The following CCNB3 variants were observed in gnomAD, a reference collection of about 807,000 sequenced individuals.
CCNB3 encodes the protein cyclin B3.
A neutral mutation model predicts 68.0 loss-of-function variants in CCNB3; 12 were observed. The observed-to-expected ratio is 0.18, with a 90% CI of 0.11 to 0.29. The LOEUF (loss-of-function observed/expected upper bound fraction) is 0.29, where lower values mean the gene tolerates loss of function less well. Ranked by LOEUF, CCNB3 falls within the 10% of genes least tolerant of loss-of-function variation. CCNB3 has a pLI of 1.00. For synonymous variants in CCNB3, 354 were observed against 388.9 expected, an observed-to-expected ratio of 0.91 and a Z score of 1.06; for missense variants, 904 against 993.1, an observed-to-expected ratio of 0.91 and a Z score of 1.21.
At chrX:50,285,383 G>T in intron 3 of CCNB3, 124 bp downstream of exon 3, 3 of 531,702 alleles carry the variant, frequency 5.6e-6, no homozygotes, top group Non-Finnish European at 6.4e-6. Context: ...GTGGGGAGGG[G>T]TGGCAGCCCT....
In CCNB3 at chrX:50,325,631, C is replaced by G. The variant is rs781832548; in HGVS notation, c.3516+11683C>G. Among the ~76,000 whole-genome samples the G allele has an allele frequency of 4.5e-5, 5 of 112,263 alleles. No individual in the cohort carries two copies. In the South Asian group the frequency reaches 1.5e-3, roughly 33 times the overall value. On this transcript the variant is annotated intron_variant, in intron 8 of 12. Transcript: ENST00000376042. Reference sequence around the variant, plus strand: ...TGTGGGTTTTCCACAGACCTCTGAGCACCTATGTGACCTCTAGTCAGCAAA... The same window carrying G: ...TGTGGGTTTTCCACAGACCTCTGAGGACCTATGTGACCTCTAGTCAGCAAA...
At chrX:50,294,072 G>A (rs1557210497) in intron 4 of CCNB3, among the ~76,000 whole-genome samples, 1 of 110,354 alleles carries the variant, frequency 9.1e-6, no homozygotes, top group Non-Finnish European at 1.9e-5. Flanking sequence ...AAGTAGCTGG[G>A]ACCATAGGCA....
At chrX:50,319,699 G>T (rs1391518170) in intron 8 of CCNB3, among the ~76,000 whole-genome samples, 3 of 111,857 alleles carry the variant, frequency 2.7e-5, no homozygotes, top group Non-Finnish European at 5.6e-5. Context: ...ATCTTAGGAG[G>T]AAAGCATTGA....
At chrX:50,313,449 C>A (rs186385472) in intron 7 of CCNB3, among the ~76,000 whole-genome samples, 1 of 112,158 alleles carries the variant, frequency 8.9e-6, no homozygotes, top group East Asian at 2.8e-4. Context: ...AACCTAGCCC[C>A]ATCCCAGACC....
chrX:50,226,920 A>C (rs1935849566), intron 1 of CCNB3, among the ~76,000 whole-genome samples: 1 of 70,448 alleles, frequency 1.4e-5, no homozygotes, highest in East Asian at 3.7e-4. Flanking sequence ...TAGTATATAT[A>C]TAGAATATAT....
At chrX:50,227,898 ATATAGAGAGAATATATATAAATG>A in intron 1 of CCNB3, among the ~76,000 whole-genome samples, 1 of 85,874 alleles carries the variant, frequency 1.2e-5, no homozygotes, top group Non-Finnish European at 2.1e-5. Context: ...ATATATAAAT[ATATAGAGAGAATATATATAAATG>A]TATAGACAGA....
At chrX:50,297,993 A>C (rs1398777689) in intron 5 of CCNB3, among the ~76,000 whole-genome samples, 4 of 111,497 alleles carry the variant, frequency 3.6e-5, no homozygotes, top group Admixed American at 2.9e-4. Context: ...TATCCTGAGA[A>C]TTTGCTGAAG....
intron 12 of CCNB3, 71 bp from the exon 13 acceptor site, chrX:50,351,536 C>A (rs1416409980): frequency 3.6e-5 from 38 of 1,054,388 alleles, no homozygotes; most frequent in Non-Finnish European, 4.7e-5. Context: ...GGCTGTATGT[C>A]CCACTTGTTC....
rs1455543855 is a variant in CCNB3, at chrX:50,333,808, C to T, written c.3517-8394C>T. On this transcript the variant is annotated intron_variant, in intron 8 of 12. Transcript: ENST00000376042. Reference sequence around the variant, plus strand: ...TGCTTTTCAAGCTTCTGAATCAGCTCGAGAGCTTCCTAAGGCCACTGAGAT... The same window carrying T: ...TGCTTTTCAAGCTTCTGAATCAGCTTGAGAGCTTCCTAAGGCCACTGAGAT... Among the ~76,000 whole-genome samples, 3 of 111,381 alleles carry T rather than the reference C, an allele frequency of 2.7e-5. No individual in the cohort carries two copies. In the Admixed American group the frequency reaches 2.9e-4, roughly 11 times the overall value.
intron 8 of CCNB3, among the ~76,000 whole-genome samples, chrX:50,323,353 T>C (rs1287082281): frequency 3.1e-5 from 3 of 96,146 alleles, no homozygotes; most frequent in Non-Finnish European, 6.0e-5. Context: ...CTCACTCAGG[T>C]GGGAGTTGAA....
chrX:50,282,577 TGGCAGAA>T (rs750594974), intron 1 of CCNB3, among the ~76,000 whole-genome samples: 1 of 111,335 alleles, frequency 9.0e-6, no homozygotes, highest in Non-Finnish European at 1.9e-5. Flanking sequence ...GTTCTGTAGG[TGGCAGAA>T]GTTGAGAGTG....
intron 1 of CCNB3, among the ~76,000 whole-genome samples, chrX:50,210,524 AG>A (rs1935465532): frequency 8.9e-6 from 1 of 111,933 alleles, no homozygotes; most frequent in African/African-American, 3.2e-5. Context: ...CTAAAAACTT[AG>A]GGTGACTTGT....
chrX:50,312,265 G>A (rs902903201), intron 6 of CCNB3, among the ~76,000 whole-genome samples: 14 of 110,962 alleles, frequency 1.3e-4, no homozygotes, highest in East Asian at 2.9e-4. Flanking sequence ...AAGAATGTCC[G>A]TCTTGGAGAA....
At position 50,295,004 on chromosome X, in the gene CCNB3, G is replaced by C. The variant is rs190650938; in HGVS notation, c.335+11G>C. On this transcript the variant is annotated intron_variant, in intron 5 of 12. Coordinates refer to ENST00000376042, the MANE Select transcript of CCNB3 (RefSeq NM_033031.3). ...GCGGAATCTAAAATGGTGAGTGAAA[G>C]GGGACTCAGATGGCATTATTTTAGA... 163 of 1,194,914 alleles carry C rather than the reference G, an allele frequency of 1.4e-4. No homozygotes were observed. In the Admixed American group the frequency reaches 1.5e-3, roughly 11 times the overall value.
chrX:50,341,254 C>T (rs1457462210), intron 8 of CCNB3, among the ~76,000 whole-genome samples: 4 of 108,726 alleles, frequency 3.7e-5, no homozygotes, highest in Admixed American at 9.9e-5. Context: ...GGCGTGAACC[C>T]GGGAGGCGGA....
At chrX:50,219,606 C>T (rs1935637504) in intron 1 of CCNB3, among the ~76,000 whole-genome samples, 2 of 110,458 alleles carry the variant, frequency 1.8e-5, no homozygotes, top group Non-Finnish European at 3.8e-5. Context: ...TTTCTGAGGC[C>T]TCTGTTCTGT....
intron 4 of CCNB3, among the ~76,000 whole-genome samples, chrX:50,289,843 A>G (rs1936318362): frequency 8.9e-6 from 1 of 112,101 alleles, no homozygotes; most frequent in South Asian, 3.7e-4. Context: ...TCCCTTGGGC[A>G]TAATTGGATA....
At chrX:50,289,467 C>A (rs1936308752) in intron 4 of CCNB3, among the ~76,000 whole-genome samples, 1 of 111,488 alleles carries the variant, frequency 9.0e-6, no homozygotes, top group African/African-American at 3.3e-5. Flanking sequence ...AGTAACCTCC[C>A]TTCTGGTATT....
chrX:50,214,391 G>C (rs2146978817), intron 1 of CCNB3, among the ~76,000 whole-genome samples: 1 of 92,906 alleles, frequency 1.1e-5, no homozygotes, highest in Admixed American at 1.3e-4. Context: ...TGAGGTGGGT[G>C]CTTAGAGTAT....
Sources: allele counts gnomAD v4.1 joint callset (sites outside exome capture counted in the v4.1 genomes callset), GRCh38; gene constraint gnomAD v4.1.1; transcripts MANE v1.5; gene names NCBI Gene and HGNC (gene_info 2026-07-23, HGNC 2026-07-21).